The following KIAA0408 variants were observed in gnomAD, a reference collection of about 807,000 sequenced individuals.
KIAA0408 encodes KIAA0408.
Under a neutral mutation model 60.9 loss-of-function variants are expected in KIAA0408, and 51 were observed. That is an observed-to-expected ratio of 0.84 (90% confidence interval 0.67 to 1.06). The LOEUF (loss-of-function observed/expected upper bound fraction) is 1.06. KIAA0408 is among the 50% of genes least tolerant of loss of function. The pLI is 0.00. For missense variants in KIAA0408, 787 were observed against 833.9 expected (o/e 0.94, Z 0.69); for synonymous variants, 304 against 282.4 (o/e 1.08, Z -0.77).
intron 2 of KIAA0408, among the ~76,000 whole-genome samples, chr6:127,451,559 G>A (rs779093855): frequency 6.6e-6 from 1 of 152,096 alleles, no homozygotes; most frequent in African/African-American, 2.4e-5. Context: ...CTGTTTTTGC[G>A]AAGTCATGAG....
intron 5 of KIAA0408, among the ~76,000 whole-genome samples, chr6:127,446,139 G>C (rs1213421536): frequency 6.6e-6 from 1 of 152,056 alleles, no homozygotes; most frequent in Non-Finnish European, 1.5e-5. Flanking sequence ...GCAAACATTT[G>C]ATCTTCTTCA....
Position 127,442,578 on chromosome 6 carries a change from A to T in KIAA0408, c.*1531T>A, listed in dbSNP as rs1773123403. ...ACCGAAACTGTCCTTACAGTAAAGT[A>T]TGAATCTAGACATCACCATGCTACA... On this transcript the variant is annotated 3_prime_UTR_variant, in exon 6 of 6. Transcript: ENST00000483725. 1 of 152,228 alleles carries T rather than the reference A, an allele frequency of 6.6e-6. No homozygotes were observed. Among genetic ancestry groups the T allele is most frequent in the Non-Finnish European group, 1.5e-5 (1 of 68,030 alleles). 9.4% of individuals were successfully genotyped at this position (152,228 alleles called of 1,614,324 possible). A position where few individuals can be genotyped will look rare whatever the true frequency, so the allele number is the denominator to read the frequency against.
rs367987310 is a variant in KIAA0408, at chr6:127,447,695, A to G, written c.624T>C (p.Asn208=). 39 of 1,572,198 alleles carry G rather than the reference A, an allele frequency of 2.5e-5. No individual in the cohort carries two copies. The highest frequency in any genetic ancestry group is 1.2e-4 in the Admixed American group (6 of 49,200). Reference sequence around the variant, plus strand: ...TGATCATGGGGTCCCCATGAGGTATATTAGTTACATTTGGCATTTCCTGGA... The same window carrying G: ...TGATCATGGGGTCCCCATGAGGTATGTTAGTTACATTTGGCATTTCCTGGA... ...SFLQEMPNVT[N]IPHGDPMINN... is the part of the protein sequence containing the mutation. Residue 208 remains asparagine (N), a synonymous_variant, in exon 5 of 6, where the codon AAT becomes AAC. Transcript: ENST00000483725.
Position 127,453,998 on chromosome 6 carries a change from T to C in KIAA0408, c.-17A>G. 6.2e-7 allele frequency: 1 copy of C among 1,600,908 alleles called. No individual in the cohort carries two copies. The highest frequency in any genetic ancestry group is 8.5e-7 in the Non-Finnish European group (1 of 1,173,660). ...TAGGTCCATGGCAACAGTGTAAGTGTCAGCAAAGAAGTGTTTCTGCTCTTC... is the reference window on the plus strand; with the variant it reads ...TAGGTCCATGGCAACAGTGTAAGTGCCAGCAAAGAAGTGTTTCTGCTCTTC... On this transcript the variant is annotated 5_prime_UTR_variant, in exon 2 of 6. Transcript: ENST00000483725.
At position 127,443,611 on chromosome 6, in the gene KIAA0408, C is replaced by A; in HGVS notation, c.*498G>T. ...AGGAAGTGGTCAATTAATATTTGTA[C>A]TGCAAATGCCTTAAGTGGATACCTA... On this transcript the variant is annotated 3_prime_UTR_variant, in exon 6 of 6. Coordinates refer to ENST00000483725, the MANE Select transcript of KIAA0408 (RefSeq NM_014702.5). The A allele has an allele frequency of 6.6e-6, 1 of 152,492 alleles. No individual in the cohort carries two copies. Among genetic ancestry groups the A allele is most frequent in the Admixed American group, 6.5e-5 (1 of 15,342 alleles). The allele number at this position is 152,492 out of a possible 1,614,324, so 9.4% of individuals were successfully genotyped here.
In KIAA0408 at chr6:127,441,886, A is replaced by C. The variant is rs1333863142; in HGVS notation, c.*2223T>G. On this transcript the variant is annotated 3_prime_UTR_variant, in exon 6 of 6. Coordinates refer to ENST00000483725, the MANE Select transcript of KIAA0408 (RefSeq NM_014702.5). ...TCTAACTATAATTTTAGTCAACATAAGAAGACGTTAAAATGTGTCCCACTG... is the reference window on the plus strand; with the variant it reads ...TCTAACTATAATTTTAGTCAACATACGAAGACGTTAAAATGTGTCCCACTG... The C allele has an allele frequency of 3.9e-5, 6 of 152,184 alleles. No homozygotes were observed. Among genetic ancestry groups the C allele is most frequent in the African/African-American group, 7.2e-5 (3 of 41,448 alleles). The allele number at this position is 152,184 out of a possible 1,614,324, so 9.4% of individuals were successfully genotyped here. A position where few individuals can be genotyped will look rare whatever the true frequency, so the allele number is the denominator to read the frequency against.
At position 127,446,399 on chromosome 6, in the gene KIAA0408, C is replaced by T; in HGVS notation, c.1911+9G>A. On this transcript the variant is annotated intron_variant, in intron 5 of 5. Transcript: ENST00000483725. The stretch of plus-strand genomic sequence containing the variant: ...ATGCTACCAAATTATGTTATATTTG[C>T]TTTCTCACCTCTGTTATCTTTTTCG... The T allele has an allele frequency of 6.3e-7, 1 of 1,595,796 alleles. No homozygotes were observed. The highest frequency in any genetic ancestry group is 8.6e-7 in the Non-Finnish European group (1 of 1,167,998).
In KIAA0408 at chr6:127,441,540, G is replaced by T. The variant is rs1054997441; in HGVS notation, c.*2569C>A. ...AATAATATTTTTGCTCCAAAAGTCT[G>T]CTAGGGAAAACATCTATTAATATAT... On this transcript the variant is annotated 3_prime_UTR_variant, in exon 6 of 6. Transcript: ENST00000483725. 1 of 152,212 alleles carries T rather than the reference G, an allele frequency of 6.6e-6. No individual in the cohort carries two copies. The highest frequency in any genetic ancestry group is 1.5e-5 in the Non-Finnish European group (1 of 68,012). 9.4% of individuals were successfully genotyped at this position (152,212 alleles called of 1,614,324 possible).
Position 127,453,996 on chromosome 6 carries a change from T to C in KIAA0408, c.-15A>G. 1 of 1,606,100 alleles carries C rather than the reference T, an allele frequency of 6.2e-7. No individual in the cohort carries two copies. Among genetic ancestry groups the C allele is most frequent in the Non-Finnish European group, 8.5e-7 (1 of 1,176,166 alleles). ...TGTAGGTCCATGGCAACAGTGTAAG[T>C]GTCAGCAAAGAAGTGTTTCTGCTCT... On this transcript the variant is annotated 5_prime_UTR_variant, in exon 2 of 6. Coordinates refer to ENST00000483725, the MANE Select transcript of KIAA0408 (RefSeq NM_014702.5).
rs1335711875 is a variant in KIAA0408, at chr6:127,438,875, T to A, written c.*5234A>T. 1 of 152,240 alleles carries A rather than the reference T, an allele frequency of 6.6e-6. No individual in the cohort carries two copies. Among genetic ancestry groups the A allele is most frequent in the Non-Finnish European group, 1.5e-5 (1 of 68,048 alleles). 9.4% of individuals were successfully genotyped at this position (152,240 alleles called of 1,614,324 possible). ...TGAATACGTACCTCCAAAATTCATG[T>A]TGAAACTTAATCTTCAATATTAAGA... On this transcript the variant is annotated 3_prime_UTR_variant, in exon 6 of 6. Coordinates refer to ENST00000483725, the MANE Select transcript of KIAA0408 (RefSeq NM_014702.5).
At position 127,450,124 on chromosome 6, in the gene KIAA0408, G is replaced by A. The variant is rs373326757; in HGVS notation, c.364C>T (p.Gln122Ter). 47 of 1,613,898 alleles carry A rather than the reference G, an allele frequency of 2.9e-5. No homozygotes were observed. The highest frequency in any genetic ancestry group is 3.7e-5 in the Non-Finnish European group (44 of 1,179,946). ...VSGGNQMCKE[Q>*]KATKKSKVGF... is the part of the protein sequence containing the mutation. The stretch of plus-strand genomic sequence containing the variant: ...ACTTTTGATTTTTTTGTTGCTTTTT[G>A]TTCCTTACACATTTGATTTCCTCCA... Residue 122 changes from glutamine to a stop codon, truncating the protein, a stop_gained, in exon 3 of 6, where the codon CAA (glutamine) becomes TAA (stop). Transcript: ENST00000483725. LOFTEE classifies it high-confidence loss of function.
At chr6:127,449,053 C>T (rs1350091453) in intron 4 of KIAA0408, among the ~76,000 whole-genome samples, 5 of 152,052 alleles carry the variant, frequency 3.3e-5, no homozygotes, top group African/African-American at 9.7e-5. Flanking sequence ...TACATAAACA[C>T]GAATTGAAGC....
At position 127,453,954 on chromosome 6, in the gene KIAA0408, T is replaced by G; in HGVS notation, c.28A>C (p.Thr10Pro). 1 of 1,612,902 alleles carries G rather than the reference T, an allele frequency of 6.2e-7. No individual in the cohort carries two copies. The highest frequency in any genetic ancestry group is 2.2e-5 in the East Asian group (1 of 44,844). Reference protein sequence around the residue: MDLHKQWENTETNWHKEKME... With the variant: MDLHKQWENPETNWHKEKME... Reference sequence around the variant, plus strand: ...TTTTCCTTATGCCAGTTAGTCTCTGTGTTCTCCCACTGCTTATGTAGGTCC... The same window carrying G: ...TTTTCCTTATGCCAGTTAGTCTCTGGGTTCTCCCACTGCTTATGTAGGTCC... Residue 10 changes from threonine to proline, a missense_variant, in exon 2 of 6, where the codon ACA becomes CCA. By Grantham distance (38) the Thr-to-Pro change is conservative. Around this residue, in one of 3 missense-constraint regions of KIAA0408, gnomAD observed 640 missense variants for 681.3 expected, o/e 0.94. Transcript: ENST00000483725.
rs933273284 is a variant in KIAA0408 at position 127,451,166 on chromosome 6, G to A, written c.136-814C>T. 5 of 380,822 alleles carry A rather than the reference G, an allele frequency of 1.3e-5. 1 individual carries two copies. The highest frequency in any genetic ancestry group is 9.6e-5 in the Admixed American group (3 of 31,164). The allele number at this position is 380,822 out of a possible 1,614,324, so 23.6% of individuals were successfully genotyped here. ...TGTAAAAGCTTGTCAAACTTCAAAA[G>A]AGACTGTCAGATGACTATCAAAGCA... is the stretch of plus-strand genomic sequence containing the variant. On this transcript the variant is annotated intron_variant, in intron 2 of 5. Transcript: ENST00000483725.
intron 4 of KIAA0408, 126 bp from the exon 5 acceptor site, chr6:127,447,866 T>C: frequency 8.2e-7 from 1 of 1,213,374 alleles, no homozygotes. Flanking sequence ...TCATACATCA[T>C]TTTTACATAA....
chr6:127,449,905 TAC>T lies in KIAA0408; in HGVS notation c.499-6_499-5del, dbSNP rs956811529. 5 of 1,613,912 alleles carry T rather than the reference TAC, an allele frequency of 3.1e-6. No individual in the cohort carries two copies. The highest frequency in any genetic ancestry group is 4.2e-6 in the Non-Finnish European group (5 of 1,179,986). ...CCTTCGCAAGTTCTTCAAGAGCCTT[TAC>T]ACATATAAGCAACAGCCCGTTAGCA... On this transcript the variant is annotated splice_region_variant and splice_polypyrimidine_tract_variant and intron_variant, in intron 3 of 5. Coordinates refer to ENST00000483725, the MANE Select transcript of KIAA0408 (RefSeq NM_014702.5).
intron 2 of KIAA0408, chr6:127,450,801 GA>G (rs1168230364): frequency 6.3e-6 from 1 of 159,430 alleles, no homozygotes; most frequent in Non-Finnish European, 1.4e-5. Context: ...GACAATCTCA[GA>G]TAGTAAGTCA....
Position 127,450,097 on chromosome 6 carries a change from C to T in KIAA0408, c.391G>A (p.Gly131Arg). ...TCTGTAGCCAAAGGATCCAAAAACC[C>T]TACTTTTGATTTTTTTGTTGCTTTT... ...EQKATKKSKV[G>R]FLDPLATDNQ... The change falls in exon 3 of 6, where the codon GGG becomes AGG. Residue 131 changes from glycine to arginine, a missense_variant. Gly to Arg is a moderately radical substitution (Grantham distance 125). Coordinates refer to ENST00000483725, the MANE Select transcript of KIAA0408 (RefSeq NM_014702.5). The T allele has an allele frequency of 6.2e-7, 1 of 1,614,124 alleles. No homozygotes were observed. The highest frequency in any genetic ancestry group is 8.5e-7 in the Non-Finnish European group (1 of 1,179,990).
chr6:127,447,842 G>A (rs761701996), intron 4 of KIAA0408, 102 bp from the exon 5 acceptor site: 1 of 1,369,436 alleles, frequency 7.3e-7, no homozygotes, highest in East Asian at 2.5e-5. Context: ...ATAAGAAAAG[G>A]ATTCACAACT....
Sources: allele counts gnomAD v4.1 joint callset (sites outside exome capture counted in the v4.1 genomes callset), GRCh38; gene constraint gnomAD v4.1.1; regional missense constraint gnomAD v4.1.1; transcripts MANE v1.5; gene names NCBI Gene and HGNC (gene_info 2026-07-23, HGNC 2026-07-21).